PCED1B: variants seen among roughly 807,000 people sequenced by gnomAD.
The protein encoded by PCED1B is PC-esterase domain-containing protein 1B.
For synonymous variants in PCED1B, 251 were observed against 246.1 expected (o/e 1.02, Z -0.19); for missense variants, 573 against 573.9 (o/e 1.00, Z 0.02).
At chr12:47,141,504 C>T (rs537205303) in intron 2 of PCED1B, among the ~76,000 whole-genome samples, 1 of 152,324 alleles carries the variant, frequency 6.6e-6, no homozygotes, top group South Asian at 2.1e-4. Context: ...CCCACCTGTG[C>T]TTCAGGCAAC....
At position 47,169,329 on chromosome 12, in the gene PCED1B, T is replaced by C. The variant is rs547946040; in HGVS notation, c.-525-46893T>C. Among the ~76,000 whole-genome samples the C allele has an allele frequency of 3.3e-5, 5 of 152,306 alleles. No homozygotes were observed. In the East Asian group the frequency reaches 9.6e-4, roughly 29 times the overall value. ...CCATCTTCGGTGATAAAGGTGTCCT[T>C]CTCTCTGAGTATCAGGAAGGTACCT... is the stretch of plus-strand genomic sequence containing the variant. On this transcript the variant is annotated intron_variant, in intron 2 of 3. Transcript: ENST00000546455.
intron 2 of PCED1B, among the ~76,000 whole-genome samples, chr12:47,106,372 T>C (rs1405799937): frequency 6.6e-6 from 1 of 152,134 alleles, no homozygotes; most frequent in Non-Finnish European, 1.5e-5. Flanking sequence ...TAATTAACCT[T>C]GAGGTAATCT....
intron 2 of PCED1B, among the ~76,000 whole-genome samples, chr12:47,131,749 A>G (rs887593706): frequency 6.8e-6 from 1 of 147,572 alleles, no homozygotes; most frequent in Non-Finnish European, 1.5e-5. Context: ...TCTCACTGCA[A>G]CCTTCGACTC....
At chr12:47,108,742 C>G (rs150251965) in intron 2 of PCED1B, among the ~76,000 whole-genome samples, 5 of 152,288 alleles carry the variant, frequency 3.3e-5, no homozygotes, top group Non-Finnish European at 2.9e-5. Flanking sequence ...TTCTTCTCTT[C>G]TTTAAACTTC....
chr12:47,222,249 G>A (rs11183811), intron 3 of PCED1B, among the ~76,000 whole-genome samples: 39,820 of 150,790 alleles, frequency 0.26, 5,997 homozygotes, highest in East Asian at 0.41. Flanking sequence ...GAGAATCCCC[G>A]TCTCTACTAA....
chr12:47,231,937 G>GGGA (rs1943820908), intron 3 of PCED1B, among the ~76,000 whole-genome samples: 1 of 152,170 alleles, frequency 6.6e-6, no homozygotes. Flanking sequence ...AGTCTAGAGT[G>GGGA]GGAAGGAATA....
intron 2 of PCED1B, among the ~76,000 whole-genome samples, chr12:47,176,517 T>C (rs1480688144): frequency 6.6e-6 from 1 of 152,224 alleles, no homozygotes; most frequent in Non-Finnish European, 1.5e-5. Context: ...GAGGGTGGCA[T>C]GACCACGCCG....
intron 2 of PCED1B, among the ~76,000 whole-genome samples, chr12:47,195,401 A>C (rs1331849898): frequency 1.3e-5 from 2 of 152,154 alleles, no homozygotes; most frequent in African/African-American, 4.8e-5. Flanking sequence ...AATGAGGATC[A>C]TGAGAAAATG....
chr12:47,085,603 G>A (rs1937940349), intron 1 of PCED1B, among the ~76,000 whole-genome samples: 2 of 151,860 alleles, frequency 1.3e-5, no homozygotes, highest in South Asian at 2.1e-4. Flanking sequence ...TGGTGACAAA[G>A]CAAAAAAATT....
At chr12:47,126,001 A>AT (rs1592171247) in intron 2 of PCED1B, among the ~76,000 whole-genome samples, 1 of 151,894 alleles carries the variant, frequency 6.6e-6, no homozygotes. Flanking sequence ...CAAAAATCAC[A>AT]TTTTTTTCTT....
At chr12:47,096,531 A>G (rs1169049859) in intron 1 of PCED1B, among the ~76,000 whole-genome samples, 1 of 152,038 alleles carries the variant, frequency 6.6e-6, no homozygotes, top group African/African-American at 2.4e-5. Flanking sequence ...CTGTCCTCTT[A>G]AGCACATTGA....
At chr12:47,083,013 G>A (rs1339969200) in intron 1 of PCED1B, among the ~76,000 whole-genome samples, 3 of 149,190 alleles carry the variant, frequency 2.0e-5, no homozygotes, top group Non-Finnish European at 4.4e-5. Flanking sequence ...ATGCTGAGAA[G>A]GGGGTGTGGT....
At chr12:47,195,732 C>G (rs1407519289) in intron 2 of PCED1B, among the ~76,000 whole-genome samples, 1 of 152,190 alleles carries the variant, frequency 6.6e-6, no homozygotes, top group Non-Finnish European at 1.5e-5. Context: ...AAAATCATAC[C>G]TGAGTCTACC....
At chr12:47,168,426 G>A (rs1274183811) in intron 2 of PCED1B, among the ~76,000 whole-genome samples, 4 of 152,090 alleles carry the variant, frequency 2.6e-5, no homozygotes, top group Non-Finnish European at 5.9e-5. Flanking sequence ...CTTATCTTGT[G>A]TATGTTTCTC....
intron 2 of PCED1B, among the ~76,000 whole-genome samples, chr12:47,154,800 TG>T (rs1941137708): frequency 6.6e-6 from 1 of 151,634 alleles, no homozygotes; most frequent in African/African-American, 2.4e-5. Flanking sequence ...TGTGTGTGTG[TG>T]TGTGTGTGTG....
chr12:47,089,486 ATATATATG>A (rs1371439391), intron 1 of PCED1B, among the ~76,000 whole-genome samples: 1,396 of 94,796 alleles, frequency 0.015, 100 homozygotes, highest in Middle Eastern at 0.042. Flanking sequence ...ATATATATAT[ATATATATG>A]TATATACCAA....
intron 2 of PCED1B, among the ~76,000 whole-genome samples, chr12:47,153,944 C>T (rs972250801): frequency 6.6e-6 from 1 of 152,132 alleles, no homozygotes; most frequent in African/African-American, 2.4e-5. Flanking sequence ...CCCTTTCCAC[C>T]GATATTCTTT....
At chr12:47,176,771 A>G (rs1351991642) in intron 2 of PCED1B, among the ~76,000 whole-genome samples, 2 of 152,108 alleles carry the variant, frequency 1.3e-5, no homozygotes, top group Non-Finnish European at 2.9e-5. Context: ...AGTGGTGGAT[A>G]GCCTCATGGG....
chr12:47,201,724 G>C (rs1365120741), intron 2 of PCED1B, among the ~76,000 whole-genome samples: 1 of 151,896 alleles, frequency 6.6e-6, no homozygotes, highest in Non-Finnish European at 1.5e-5. Flanking sequence ...TCAGCCTCCT[G>C]AATAGCTGAG....
Sources: allele counts gnomAD v4.1 joint callset (sites outside exome capture counted in the v4.1 genomes callset), GRCh38; gene constraint gnomAD v4.1.1; transcripts MANE v1.5; gene names NCBI Gene and HGNC (gene_info 2026-07-23, HGNC 2026-07-21).